The following APBA1 variants were observed in gnomAD, a reference collection of about 807,000 sequenced individuals.
APBA1 encodes amyloid beta precursor protein binding family A member 1.
In APBA1, 55 loss-of-function variants were observed where a neutral mutation model predicts 86.6. That is an observed-to-expected ratio of 0.64 (90% CI 0.51 to 0.80). The LOEUF (loss-of-function observed/expected upper bound fraction) is 0.80, where lower values mean the gene tolerates loss of function less well. Among genes scored for constraint, APBA1 ranks in the 30% least tolerant of loss-of-function variants. The pLI is 0.00. For missense variants in APBA1, 1,090 were observed against 1,183.0 expected, an observed-to-expected ratio of 0.92 and a Z score of 1.15; for synonymous variants, 511 against 493.9, an observed-to-expected ratio of 1.03 and a Z score of -0.46.
chr9:69,457,868 G>A (rs1048455317), intron 6 of APBA1, among the ~76,000 whole-genome samples: 3 of 152,040 alleles, frequency 2.0e-5, no homozygotes, highest in Admixed American at 6.6e-5. Context: ...CTGCCACATC[G>A]ATGCTCCTGA....
intron 2 of APBA1, among the ~76,000 whole-genome samples, chr9:69,503,720 A>G (rs993118155): frequency 6.6e-6 from 1 of 152,078 alleles, no homozygotes; most frequent in Non-Finnish European, 1.5e-5. Context: ...TCCTGGTGGC[A>G]CAAATTTATC....
At chr9:69,489,433 C>G (rs3970362) in intron 2 of APBA1, among the ~76,000 whole-genome samples, 123,579 of 151,972 alleles carry the variant, frequency 0.81, 50,436 homozygotes, top group Admixed American at 0.86. Context: ...TATGTAGAAA[C>G]CTGAAACTGG....
chr9:69,609,799 T>C (rs775546456), intron 1 of APBA1, among the ~76,000 whole-genome samples: 5 of 152,072 alleles, frequency 3.3e-5, no homozygotes, highest in African/African-American at 9.7e-5. Flanking sequence ...GAGTTTGTTG[T>C]TGTTGTTGTT....
At chr9:69,646,665 C>T (rs904938505) in intron 1 of APBA1, among the ~76,000 whole-genome samples, 1 of 152,186 alleles carries the variant, frequency 6.6e-6, no homozygotes, top group African/African-American at 2.4e-5. Context: ...AGTTACCAGG[C>T]AAGAACTGTC....
At chr9:69,622,884 A>T (rs1321533593) in intron 1 of APBA1, among the ~76,000 whole-genome samples, 1 of 152,204 alleles carries the variant, frequency 6.6e-6, no homozygotes, top group African/African-American at 2.4e-5. Context: ...AAAGCAGCTC[A>T]TTATCAGCTG....
At chr9:69,457,276 C>T (rs899852386) in intron 6 of APBA1, 137 bp from the exon 7 acceptor site, 24 of 643,610 alleles carry the variant, frequency 3.7e-5, no homozygotes, top group Non-Finnish European at 6.4e-5. Context: ...GGTTAAACTG[C>T]CAAAGCTGAA....
intron 1 of APBA1, among the ~76,000 whole-genome samples, chr9:69,594,818 G>A (rs1822198395): frequency 6.6e-6 from 1 of 152,120 alleles, no homozygotes; most frequent in South Asian, 2.1e-4. Context: ...TGGTGAAGAA[G>A]TGGTGGTTAA....
intron 10 of APBA1, among the ~76,000 whole-genome samples, chr9:69,442,205 A>C (rs1834835500): frequency 6.6e-6 from 1 of 152,252 alleles, no homozygotes; most frequent in African/African-American, 2.4e-5. Flanking sequence ...ATGGAGGAGA[A>C]GGAATGGCTG....
At chr9:69,493,684 T>C (rs1337933385) in intron 2 of APBA1, among the ~76,000 whole-genome samples, 3 of 152,090 alleles carry the variant, frequency 2.0e-5, no homozygotes, top group African/African-American at 4.8e-5. Context: ...ATAAAATATA[T>C]AGTAGGAGTT....
chr9:69,614,554 T>C (rs913338224), intron 1 of APBA1, among the ~76,000 whole-genome samples: 2 of 152,202 alleles, frequency 1.3e-5, no homozygotes, highest in East Asian at 1.9e-4. Flanking sequence ...TCCTTGTCAA[T>C]TGCAAATTAT....
chr9:69,585,754 A>G (rs191608200), intron 1 of APBA1, among the ~76,000 whole-genome samples: 1 of 152,238 alleles, frequency 6.6e-6, no homozygotes, highest in East Asian at 1.9e-4. Context: ...GCAGTGACTC[A>G]TTTCTGGTGA....
At chr9:69,609,160 G>A (rs1226246711) in intron 1 of APBA1, among the ~76,000 whole-genome samples, 1 of 152,126 alleles carries the variant, frequency 6.6e-6, no homozygotes, top group Non-Finnish European at 1.5e-5. Flanking sequence ...GGAATGGGGT[G>A]GGGAGAAGAT....
chr9:69,633,263 T>A (rs1158502447), intron 1 of APBA1, among the ~76,000 whole-genome samples: 4 of 152,146 alleles, frequency 2.6e-5, no homozygotes, highest in Non-Finnish European at 5.9e-5. Context: ...CCTGAACATA[T>A]CTTTTTAAAG....
intron 1 of APBA1, among the ~76,000 whole-genome samples, chr9:69,589,131 T>A (rs530516778): frequency 6.6e-6 from 1 of 152,108 alleles, no homozygotes; most frequent in Admixed American, 6.5e-5. Context: ...ATTTTTGTAA[T>A]TTTTTTTAAA....
chr9:69,498,652 T>A (rs1456023654), intron 2 of APBA1, among the ~76,000 whole-genome samples: 1 of 152,042 alleles, frequency 6.6e-6, no homozygotes, highest in East Asian at 1.9e-4. Context: ...ATCCCTGGGG[T>A]CTTGCACAGT....
At chr9:69,625,448 T>C (rs908033140) in intron 1 of APBA1, among the ~76,000 whole-genome samples, 5 of 152,188 alleles carry the variant, frequency 3.3e-5, no homozygotes, top group Admixed American at 2.6e-4. Flanking sequence ...AGAGGGATCT[T>C]GTCTGAACTG....
At chr9:69,625,564 T>C (rs1455138337) in intron 1 of APBA1, among the ~76,000 whole-genome samples, 1 of 152,156 alleles carries the variant, frequency 6.6e-6, no homozygotes, top group Admixed American at 6.6e-5. Flanking sequence ...GCCTGATTAA[T>C]GTTCAATCTT....
chr9:69,641,857 A>C (rs1383158137), intron 1 of APBA1, among the ~76,000 whole-genome samples: 1 of 152,052 alleles, frequency 6.6e-6, no homozygotes, highest in Non-Finnish European at 1.5e-5. Context: ...TTATTTATTT[A>C]TTTTTTGACA....
At chr9:69,549,515 C>T (rs1836751720) in intron 1 of APBA1, among the ~76,000 whole-genome samples, 1 of 152,332 alleles carries the variant, frequency 6.6e-6, no homozygotes, top group African/African-American at 2.4e-5. Flanking sequence ...ACCAACTTCA[C>T]ACTCTATCAG....
Sources: gnomAD v4.1 joint callset for allele counts (sites outside exome capture counted in the v4.1 genomes callset) on GRCh38, gnomAD v4.1.1 for gene constraint, MANE v1.5 for transcripts, NCBI Gene and HGNC (gene_info 2026-07-23, HGNC 2026-07-21) for gene names.